Variants in NUP214 observed in about 807,000 individuals in gnomAD.
NUP214 encodes the protein nucleoporin 214.
NUP214 carries 79 observed loss-of-function variants against 196.2 expected under a neutral mutation model. That is an observed-to-expected ratio of 0.40 (90% CI 0.34 to 0.49). The LOEUF (loss-of-function observed/expected upper bound fraction) is 0.49. Among genes scored for constraint, NUP214 ranks in the 20% least tolerant of loss-of-function variants. The probability of loss-of-function intolerance (pLI) is 0.58; values close to 1 mark genes in which losing one functional copy is unlikely to be tolerated. For synonymous variants in NUP214, 1,020 were observed against 990.5 expected (o/e 1.03, Z -0.56); for missense variants, 2,468 against 2,539.0 (o/e 0.97, Z 0.60).
intron 9 of NUP214, 104 bp downstream of exon 9, chr9:131,136,110 A>T (rs1341669104): frequency 1.1e-6 from 1 of 876,332 alleles, no homozygotes; most frequent in South Asian, 1.7e-5. Context: ...GTGCAATTTC[A>T]GCTTACTGCA....
Position 131,215,198 on chromosome 9 carries a change from CT to C in NUP214, c.5593-10del, listed in dbSNP as rs766374739. 3.3e-6 allele frequency: 5 copies of C among 1,509,860 alleles called. No homozygotes were observed. Among genetic ancestry groups the C allele is most frequent in the Admixed American group, 4.4e-5 (2 of 45,104 alleles). 93.5% of individuals were successfully genotyped at this position (1,509,860 alleles called of 1,614,324 possible). On this transcript the variant is annotated splice_polypyrimidine_tract_variant and intron_variant, in intron 30 of 35. Transcript: ENST00000359428. Reference sequence around the variant, plus strand: ...TCTCATCCTATCTTGCTTCCTGACCCTTTTGTTTTTTAGCAATCATCCTCTT... The same window carrying C: ...TCTCATCCTATCTTGCTTCCTGACCCTTTGTTTTTTAGCAATCATCCTCTT...
chr9:131,140,552 A>G lies in NUP214; in HGVS notation c.1136A>G (p.Asp379Gly). 6.2e-7 allele frequency: 1 copy of G among 1,601,860 alleles called. No individual in the cohort carries two copies. Among genetic ancestry groups the G allele is most frequent in the Non-Finnish European group, 8.5e-7 (1 of 1,176,814 alleles). ...TTTTTGTTTTCTTTTTTAACAGGTG[A>G]TGAAAAGACTCTTCCTCCTGCTCCA... is the stretch of plus-strand genomic sequence containing the variant. ...YTNQVEITIS[D>G]EKTLPPAPVL... Residue 379 changes from aspartate (D) to glycine (G), a missense_variant, in exon 11 of 36, where the codon GAT (aspartate) becomes GGT (glycine). Transcript: ENST00000359428.
At chr9:131,129,627 GAC>G in intron 4 of NUP214, 150 bp downstream of exon 4, 3 of 751,308 alleles carry the variant, frequency 4.0e-6, no homozygotes, top group Non-Finnish European at 6.5e-6. Context: ...TCTTTTTTGA[GAC>G]AGTCTCACTG....
chr9:131,194,039 G>T (rs1011735647), intron 27 of NUP214: 10 of 151,562 alleles, frequency 6.6e-5, no homozygotes, highest in African/African-American at 2.4e-4. Flanking sequence ...CACTAAGAAA[G>T]GTTGTGTTTT....
intron 18 of NUP214, among the ~76,000 whole-genome samples, chr9:131,162,694 A>T (rs997660234): frequency 6.6e-6 from 1 of 151,826 alleles, no homozygotes; most frequent in African/African-American, 2.4e-5. Context: ...CCTGACTCAC[A>T]CCTCACTCCT....
At chr9:131,195,934 A>G (rs1833764842) in intron 28 of NUP214, among the ~76,000 whole-genome samples, 2 of 136,868 alleles carry the variant, frequency 1.5e-5, no homozygotes, top group South Asian at 5.1e-4. Context: ...CTGAGGCAGG[A>G]GAATTGCTTG....
chr9:131,157,711 T>G (rs898198248), intron 17 of NUP214, among the ~76,000 whole-genome samples: 5 of 152,088 alleles, frequency 3.3e-5, no homozygotes, highest in Admixed American at 1.3e-4. Context: ...AGTGGCATGA[T>G]CTCAGCTCAC....
chr9:131,203,002 G>C (rs984232056), intron 30 of NUP214, among the ~76,000 whole-genome samples: 3 of 151,368 alleles, frequency 2.0e-5, no homozygotes, highest in African/African-American at 7.3e-5. Context: ...CCGGACTGCA[G>C]TGGTGCTATC....
intron 9 of NUP214, 27 bp from the exon 10 acceptor site, chr9:131,139,254 T>TC: frequency 7.5e-7 from 1 of 1,333,598 alleles, no homozygotes; most frequent in South Asian, 1.5e-5. Context: ...TTCTTCTTCT[T>TC]CTTTTTTTTT....
rs1588148754 is a variant in NUP214, at chr9:131,178,242, A to G, written c.3320-69A>G. ...GGGCTCATGTCTTGGTTTTTCATTT[A>G]TATGTGGCTAGAACTTTTTATCCTT... On this transcript the variant is annotated intron_variant, in intron 23 of 35. Coordinates refer to ENST00000359428, the MANE Select transcript of NUP214 (RefSeq NM_005085.4). 11 of 1,250,438 alleles carry G rather than the reference A, an allele frequency of 8.8e-6. No homozygotes were observed. In the East Asian group the frequency reaches 2.3e-4, roughly 27 times the overall value. 77.5% of individuals were successfully genotyped at this position (1,250,438 alleles called of 1,614,324 possible). A position where few individuals can be genotyped will look rare whatever the true frequency, so the allele number is the denominator to read the frequency against.
chr9:131,230,656 C>G lies in NUP214; in HGVS notation c.6101C>G (p.Ser2034Cys), dbSNP rs1482307094. The change falls in exon 34 of 36, where the codon TCC becomes TGC. Residue 2034 changes from serine to cysteine, a missense_variant. By Grantham distance (112) the Ser-to-Cys change is moderately radical (BLOSUM62 -1). Around this residue, in one of 5 missense-constraint regions of NUP214, gnomAD observed 262 missense variants for 296.5 expected, o/e 0.88. Transcript: ENST00000359428. ...TTTGGGAGCAGCAGCAACACCACAT[C>G]CTTCGGCACGCTCGCGAGTCAGAAT... ...FGFGSSSNTT[S>C]FGTLASQNAP... The G allele has an allele frequency of 1.2e-6, 2 of 1,614,136 alleles. No homozygotes were observed. Among genetic ancestry groups the G allele is most frequent in the Admixed American group, 3.3e-5 (2 of 60,012 alleles).
rs1433127601 is a variant in NUP214 at position 131,196,044 on chromosome 9, C to A, written c.3721+750C>A. Among the ~76,000 whole-genome samples, 2 of 74,102 alleles carry A rather than the reference C, an allele frequency of 2.7e-5. 1 individual carries two copies. The highest frequency in any genetic ancestry group is 7.1e-5 in the Non-Finnish European group (2 of 28,302). 48.6% of individuals were successfully genotyped at this position (74,102 alleles called of 152,430 possible). On this transcript the variant is annotated intron_variant, in intron 28 of 35. Coordinates refer to ENST00000359428, the MANE Select transcript of NUP214 (RefSeq NM_005085.4). Reference sequence around the variant, plus strand: ...TGTGTGTCCCCCCCCCCCCCCGCGCCAAAAAATCCATCAATAGCATGTTTT... The same window carrying A: ...TGTGTGTCCCCCCCCCCCCCCGCGCAAAAAAATCCATCAATAGCATGTTTT...
At chr9:131,206,162 T>TTTTTTTTTTTTTTTTTTTTTTTTA (rs71372703) in intron 30 of NUP214, among the ~76,000 whole-genome samples, 3 of 126,406 alleles carry the variant, frequency 2.4e-5, no homozygotes, top group African/African-American at 5.6e-5. Flanking sequence ...TTTTTTTTTT[T>TTTTTTTTTTTTTTTTTTTTTTTTA]GAGACAGGGT....
chr9:131,131,029 T>G (rs147994061), intron 5 of NUP214, among the ~76,000 whole-genome samples, 193 bp downstream of exon 5: 1 of 152,214 alleles, frequency 6.6e-6, no homozygotes, highest in Non-Finnish European at 1.5e-5. Context: ...TATGTTGTGT[T>G]GAGTAGATAG....
intron 7 of NUP214, among the ~76,000 whole-genome samples, chr9:131,134,166 G>A (rs1588123811): frequency 6.6e-6 from 1 of 152,054 alleles, no homozygotes. Context: ...CGCTGGTCTC[G>A]GACTCCTGGC....
Position 131,144,738 on chromosome 9 carries a change from G to C in NUP214, c.1753G>C (p.Val585Leu). Residue 585 changes from valine (V) to leucine (L), a missense_variant, in exon 12 of 36, where the codon GTC becomes CTC. Val to Leu is a conservative substitution (Grantham distance 32). This residue lies in a region of NUP214 where 1,801 missense variants were observed against 1,779.4 expected (regional missense o/e 1.01). Transcript: ENST00000359428. ...SFPPSTSAVK[V>L]NLSEKFTAAA... ...CCCACCCTCAACCTCTGCTGTCAAA[G>C]TCAACCTTAGTGAAAAGTAAGTCAC... The C allele has an allele frequency of 6.2e-7, 1 of 1,603,326 alleles. No homozygotes were observed. Among genetic ancestry groups the C allele is most frequent in the Non-Finnish European group, 8.5e-7 (1 of 1,175,074 alleles).
At chr9:131,182,854 T>C (rs1270091796) in intron 24 of NUP214, among the ~76,000 whole-genome samples, 1 of 152,206 alleles carries the variant, frequency 6.6e-6, no homozygotes, top group Non-Finnish European at 1.5e-5. Flanking sequence ...ACTTTTTTGT[T>C]GACTTATTGG....
intron 21 of NUP214, among the ~76,000 whole-genome samples, chr9:131,171,885 A>G (rs1373467888): frequency 6.6e-6 from 1 of 152,124 alleles, no homozygotes; most frequent in Non-Finnish European, 1.5e-5. Flanking sequence ...ACATGAACTC[A>G]TCATTTTTTA....
At chr9:131,202,774 G>A (rs2131055949) in intron 30 of NUP214, among the ~76,000 whole-genome samples, 1 of 151,172 alleles carries the variant, frequency 6.6e-6, no homozygotes, top group East Asian at 2.0e-4. Context: ...TGTTTAAAAA[G>A]AAAAAAGAGG....
Sources: allele counts gnomAD v4.1 joint callset (sites outside exome capture counted in the v4.1 genomes callset), GRCh38; gene constraint gnomAD v4.1.1; regional missense constraint gnomAD v4.1.1; transcripts MANE v1.5; gene names NCBI Gene and HGNC (gene_info 2026-07-23, HGNC 2026-07-21).